CYSLTR1: variants seen among roughly 807,000 people sequenced by gnomAD.
CYSLTR1 encodes cysteinyl leukotriene receptor 1.
A neutral mutation model predicts 2.1 loss-of-function variants in CYSLTR1; 1 was observed. That is an observed-to-expected ratio of 0.48 (90% CI 0.17 to 2.28). The LOEUF (loss-of-function observed/expected upper bound fraction) is 2.28. Ranked by LOEUF, CYSLTR1 falls within the 30% of genes most tolerant of loss-of-function variation. The pLI is 0.26. For synonymous variants in CYSLTR1, 110 were observed against 89.6 expected, an observed-to-expected ratio of 1.23 and a Z score of -1.28; for missense variants, 299 against 250.1, an observed-to-expected ratio of 1.20 and a Z score of -1.32.
rs1015501712 is a variant in CYSLTR1, at chrX:78,273,226, A to C, written c.521T>G (p.Phe174Cys). The change falls in exon 3 of 3, where the codon TTT (phenylalanine) becomes TGT (cysteine). Residue 174 changes from phenylalanine to cysteine, a missense_variant. Transcript: ENST00000373304. ...QKDEKNNTKC[F>C]EPPQDNQTKN... ...AGTTTGATTGTCTTGTGGGGGCTCA[A>C]AGCACTTGGTATTATTTTTCTCATC... 2 of 1,211,172 alleles carry C rather than the reference A, an allele frequency of 1.7e-6. No individual in the cohort carries two copies. The highest frequency in any genetic ancestry group is 1.1e-6 in the Non-Finnish European group (1 of 895,318).
chrX:78,280,729 T>A (rs1279377966), intron 2 of CYSLTR1, among the ~76,000 whole-genome samples: 1 of 111,509 alleles, frequency 9.0e-6, no homozygotes, highest in Non-Finnish European at 1.9e-5. Flanking sequence ...ATCCTCTCCC[T>A]CCTCACAGCC....
intron 2 of CYSLTR1, among the ~76,000 whole-genome samples, chrX:78,279,875 T>C (rs377045677): frequency 9.0e-6 from 1 of 111,625 alleles, no homozygotes; most frequent in African/African-American, 3.3e-5. Context: ...TGTTCTCACT[T>C]GTAAATGGGA....
chrX:78,323,816 T>C (rs1039754600), intron 1 of CYSLTR1, among the ~76,000 whole-genome samples: 3 of 111,589 alleles, frequency 2.7e-5, no homozygotes, highest in South Asian at 3.7e-4. Context: ...GTTCCACATA[T>C]GTAGGAGCTC....
chrX:78,300,994 C>T (rs1922798317), intron 1 of CYSLTR1, among the ~76,000 whole-genome samples: 1 of 112,603 alleles, frequency 8.9e-6, no homozygotes, highest in South Asian at 3.7e-4. Context: ...GCTGCCAAGG[C>T]TTAGGGCTTG....
intron 1 of CYSLTR1, among the ~76,000 whole-genome samples, chrX:78,312,612 A>T (rs370407661): frequency 2.1e-4 from 23 of 112,105 alleles, no homozygotes; most frequent in African/African-American, 5.8e-4. Context: ...TATAAGGAAC[A>T]TAAATCAACA....
At chrX:78,314,569 C>T (rs1324271224) in intron 1 of CYSLTR1, among the ~76,000 whole-genome samples, 3 of 111,644 alleles carry the variant, frequency 2.7e-5, no homozygotes, top group Non-Finnish European at 5.6e-5. Context: ...CTCCTATTCC[C>T]TAGCAGTGAC....
At chrX:78,284,813 T>C (rs1207880615) in intron 1 of CYSLTR1, among the ~76,000 whole-genome samples, 1 of 93,436 alleles carries the variant, frequency 1.1e-5, no homozygotes, top group African/African-American at 3.9e-5. Context: ...AAATAAAAAA[T>C]ATAGTCTAGT....
intron 1 of CYSLTR1, among the ~76,000 whole-genome samples, chrX:78,286,103 C>T (rs1922059676): frequency 1.8e-5 from 2 of 111,192 alleles, no homozygotes. Flanking sequence ...GCTATTGAAC[C>T]TATAACCTGG....
At chrX:78,295,257 T>C (rs1922526383) in intron 1 of CYSLTR1, among the ~76,000 whole-genome samples, 1 of 111,807 alleles carries the variant, frequency 8.9e-6, no homozygotes, top group Admixed American at 9.5e-5. Context: ...TGTACCGTCT[T>C]TTTCTTTATC....
chrX:78,320,487 A>G, intron 1 of CYSLTR1: 2 of 110,016 alleles, frequency 1.8e-5, no homozygotes, highest in East Asian at 5.6e-4. Flanking sequence ...TTTTGCTACC[A>G]GTACCATGTT....
intron 1 of CYSLTR1, among the ~76,000 whole-genome samples, chrX:78,294,441 C>T (rs1237319167): frequency 1.8e-5 from 2 of 112,583 alleles, no homozygotes; most frequent in Non-Finnish European, 1.9e-5. Context: ...GTTCAGGGAC[C>T]CACTTGAGGA....
chrX:78,283,305 G>A (rs977944759), intron 2 of CYSLTR1, 149 bp downstream of exon 2: 4 of 111,948 alleles, frequency 3.6e-5, no homozygotes, highest in African/African-American at 9.7e-5. Context: ...TGTAAAAGCC[G>A]TCTTAGCAGA....
intron 1 of CYSLTR1, among the ~76,000 whole-genome samples, chrX:78,301,126 T>C (rs934780780): frequency 7.1e-5 from 8 of 111,939 alleles, no homozygotes; most frequent in Non-Finnish European, 1.9e-5. Flanking sequence ...GCCTGGCCCA[T>C]GAAACCATTT....
chrX:78,298,263 A>G (rs913929957), intron 1 of CYSLTR1, among the ~76,000 whole-genome samples: 1 of 111,693 alleles, frequency 9.0e-6, no homozygotes, highest in African/African-American at 3.2e-5. Context: ...CAATTTTTTG[A>G]ATGTTTTAAG....
Position 78,305,442 on chromosome X carries a change from T to G in CYSLTR1, c.-115+21863A>C, listed in dbSNP as rs772618626. ...TCACCCTTCTGATCAAAGTTGTCCCTGACAGCTCCCCTGATTAGGGTTGTT... is the reference window on the plus strand; with the variant it reads ...TCACCCTTCTGATCAAAGTTGTCCCGGACAGCTCCCCTGATTAGGGTTGTT... On this transcript the variant is annotated intron_variant, in intron 1 of 2. Transcript: ENST00000373304. Among the ~76,000 whole-genome samples the G allele has an allele frequency of 2.7e-5, 3 of 111,759 alleles. No homozygotes were observed. The East Asian group carries it at 8.4e-4, about 31-fold the overall frequency.
At chrX:78,323,414 CAAACACA>C (rs1200712663) in intron 1 of CYSLTR1, among the ~76,000 whole-genome samples, 3 of 111,932 alleles carry the variant, frequency 2.7e-5, no homozygotes, top group African/African-American at 6.5e-5. Context: ...AAATTCAGAT[CAAACACA>C]AATGGTAACC....
chrX:78,305,111 G>A (rs777872441), intron 1 of CYSLTR1, among the ~76,000 whole-genome samples: 18 of 111,439 alleles, frequency 1.6e-4, no homozygotes, highest in East Asian at 1.1e-3. Flanking sequence ...CTACTCTATA[G>A]AGTTTCTAAC....
intron 1 of CYSLTR1, among the ~76,000 whole-genome samples, chrX:78,318,424 T>C (rs1923508170): frequency 9.0e-6 from 1 of 111,656 alleles, no homozygotes; most frequent in African/African-American, 3.3e-5. Context: ...TCAGGAAAAA[T>C]AACTAAGGGA....
chrX:78,284,281 C>T (rs1921961049), intron 1 of CYSLTR1, among the ~76,000 whole-genome samples: 1 of 112,341 alleles, frequency 8.9e-6, no homozygotes, highest in African/African-American at 3.2e-5. Flanking sequence ...TGTCCTATGG[C>T]AACTTTAATT....
Sources: allele counts gnomAD v4.1 joint callset (sites outside exome capture counted in the v4.1 genomes callset), GRCh38; gene constraint gnomAD v4.1.1; transcripts MANE v1.5; gene names NCBI Gene and HGNC (gene_info 2026-07-23, HGNC 2026-07-21).